SPIDR: variants seen among roughly 807,000 people sequenced by gnomAD.
SPIDR encodes DNA repair-scaffolding protein.
Under a neutral mutation model 104.6 loss-of-function variants are expected in SPIDR, and 93 were observed. The ratio of observed to expected loss-of-function variants is 0.89; its 90% CI spans 0.75 to 1.06. The LOEUF (loss-of-function observed/expected upper bound fraction) is 1.06. Ranked by LOEUF, SPIDR falls within the 50% of genes least tolerant of loss-of-function variation. The probability of loss-of-function intolerance (pLI) is 0.00; values close to 1 mark genes in which losing one functional copy is unlikely to be tolerated. For missense variants in SPIDR, 1,154 were observed against 1,111.2 expected (o/e 1.04, Z -0.55); for synonymous variants, 431 against 416.9 (o/e 1.03, Z -0.41).
At chr8:47,439,047 A>G (rs564151189) in intron 7 of SPIDR, among the ~76,000 whole-genome samples, 1 of 152,168 alleles carries the variant, frequency 6.6e-6, no homozygotes. Flanking sequence ...TGTTGTTCTC[A>G]GTTTATGTAT....
At chr8:47,398,412 A>G (rs1266774475) in intron 6 of SPIDR, among the ~76,000 whole-genome samples, 1 of 152,074 alleles carries the variant, frequency 6.6e-6, no homozygotes, top group East Asian at 1.9e-4. Flanking sequence ...ATAGATGTCA[A>G]CTCAGAGAGA....
chr8:47,446,833 C>G (rs2070730044), intron 8 of SPIDR, among the ~76,000 whole-genome samples: 1 of 152,168 alleles, frequency 6.6e-6, no homozygotes, highest in Non-Finnish European at 1.5e-5. Flanking sequence ...GATCCACCCA[C>G]TTCGGCTTCC....
intron 5 of SPIDR, among the ~76,000 whole-genome samples, chr8:47,345,572 A>G (rs2051785670): frequency 6.6e-6 from 1 of 152,052 alleles, no homozygotes; most frequent in South Asian, 2.1e-4. Flanking sequence ...CATTTTTACG[A>G]TACTGATTCT....
At chr8:47,343,647 G>C (rs1252481413) in intron 5 of SPIDR, among the ~76,000 whole-genome samples, 1 of 152,174 alleles carries the variant, frequency 6.6e-6, no homozygotes, top group African/African-American at 2.4e-5. Context: ...AAAGCAGCGT[G>C]ACATGGGTTT....
chr8:47,438,044 G>T (rs1033432477), intron 7 of SPIDR, among the ~76,000 whole-genome samples: 1 of 152,324 alleles, frequency 6.6e-6, no homozygotes, highest in African/African-American at 2.4e-5. Flanking sequence ...ATCTGTCAGG[G>T]TCTATGGGGA....
At chr8:47,478,399 A>C (rs1477028104) in intron 8 of SPIDR, among the ~76,000 whole-genome samples, 1 of 152,176 alleles carries the variant, frequency 6.6e-6, no homozygotes, top group Non-Finnish European at 1.5e-5. Context: ...GGCTGCCATG[A>C]CTGGGAGATG....
intron 8 of SPIDR, among the ~76,000 whole-genome samples, chr8:47,519,123 TTTGTTGTTGTTG>T (rs371410579): frequency 1.1e-4 from 16 of 150,982 alleles, no homozygotes; most frequent in South Asian, 2.1e-4. Flanking sequence ...GGCTATGTGT[TTTGTTGTTGTTG>T]TTGTTGTTGT....
chr8:47,340,411 G>C (rs146054825), intron 5 of SPIDR, among the ~76,000 whole-genome samples: 2,514 of 152,022 alleles, frequency 0.017, 79 homozygotes, highest in African/African-American at 0.057. Context: ...TTGAGATGAG[G>C]CTGGCTAACA....
intron 10 of SPIDR, among the ~76,000 whole-genome samples, chr8:47,621,235 G>A (rs1262531334): frequency 2.0e-5 from 3 of 151,946 alleles, no homozygotes; most frequent in Non-Finnish European, 2.9e-5. Context: ...GATTACAGGC[G>A]TGAGCCACCA....
chr8:47,703,272 T>C (rs1223345693), intron 14 of SPIDR, among the ~76,000 whole-genome samples: 3 of 152,246 alleles, frequency 2.0e-5, no homozygotes, highest in Non-Finnish European at 2.9e-5. Flanking sequence ...TTGAACAAAT[T>C]CTTTGCATTT....
At chr8:47,557,560 G>C (rs1486227422) in intron 8 of SPIDR, among the ~76,000 whole-genome samples, 1 of 152,168 alleles carries the variant, frequency 6.6e-6, no homozygotes, top group Non-Finnish European at 1.5e-5. Context: ...TAAAAAACAT[G>C]CTAAGCTATG....
rs550788936 is a variant in SPIDR, at chr8:47,544,729, A to C, written c.1098-51082A>C. On this transcript the variant is annotated intron_variant, in intron 8 of 19. Coordinates refer to ENST00000297423, the MANE Select transcript of SPIDR (RefSeq NM_001080394.4). ...TGTACCATCACACAGTCATGACTAC[A>C]GAAGCTGTATGTCTTGAAATCACGT... Among the ~76,000 whole-genome samples the C allele has an allele frequency of 4.0e-3, 602 of 152,352 alleles. 9 individuals carry two copies. Among genetic ancestry groups the C allele is most frequent in the Non-Finnish European group, 5.5e-3 (375 of 68,036 alleles).
At chr8:47,326,611 G>A (rs898564867) in intron 5 of SPIDR, among the ~76,000 whole-genome samples, 1 of 152,112 alleles carries the variant, frequency 6.6e-6, no homozygotes, top group Non-Finnish European at 1.5e-5. Flanking sequence ...CATCCATTCC[G>A]TATTCCCCAC....
chr8:47,462,586 G>A (rs141355312), intron 8 of SPIDR, among the ~76,000 whole-genome samples: 211 of 152,310 alleles, frequency 1.4e-3, no homozygotes, highest in Non-Finnish European at 2.5e-3. Context: ...TATGAAGTTG[G>A]AAATTTATGG....
intron 5 of SPIDR, among the ~76,000 whole-genome samples, chr8:47,353,732 A>C (rs1554623964): frequency 7.1e-6 from 1 of 140,062 alleles, no homozygotes; most frequent in Non-Finnish European, 1.5e-5. Context: ...TTTAGTGTGG[A>C]TTTCAACACA....
intron 1 of SPIDR, among the ~76,000 whole-genome samples, chr8:47,275,000 C>T (rs2036100344): frequency 6.6e-6 from 1 of 151,662 alleles, no homozygotes; most frequent in African/African-American, 2.4e-5. Context: ...TGGCTCACGC[C>T]TGTAATCCCA....
intron 6 of SPIDR, among the ~76,000 whole-genome samples, chr8:47,400,854 G>A (rs918780605): frequency 8.6e-5 from 13 of 151,916 alleles, no homozygotes; most frequent in Admixed American, 2.0e-4. Context: ...CAAAATCTAC[G>A]TCTGATTGGT....
chr8:47,620,742 C>T (rs1282068528), intron 10 of SPIDR, among the ~76,000 whole-genome samples: 3 of 151,182 alleles, frequency 2.0e-5, no homozygotes, highest in African/African-American at 7.3e-5. Context: ...CTCAGCCTCC[C>T]GTGTAGCTGG....
At chr8:47,702,706 A>T (rs1189036070) in intron 14 of SPIDR, among the ~76,000 whole-genome samples, 1 of 152,206 alleles carries the variant, frequency 6.6e-6, no homozygotes, top group Non-Finnish European at 1.5e-5. Flanking sequence ...GGGATTGAGA[A>T]CATCCTGTTT....
Sources: allele counts gnomAD v4.1 joint callset (sites outside exome capture counted in the v4.1 genomes callset), GRCh38; gene constraint gnomAD v4.1.1; transcripts MANE v1.5; gene names NCBI Gene and HGNC (gene_info 2026-07-23, HGNC 2026-07-21).